CHRM3: variants seen among roughly 807,000 people sequenced by gnomAD.
CHRM3 encodes cholinergic receptor muscarinic 3.
A neutral mutation model predicts 41.8 loss-of-function variants in CHRM3; 11 were observed. The ratio of observed to expected loss-of-function variants is 0.26; its 90% CI spans 0.17 to 0.44. The LOEUF (loss-of-function observed/expected upper bound fraction) is 0.44. Among genes scored for constraint, CHRM3 ranks in the 20% least tolerant of loss-of-function variants. The probability of loss-of-function intolerance (pLI) is 1.00; values close to 1 mark genes in which losing one functional copy is unlikely to be tolerated. For synonymous variants in CHRM3, 297 were observed against 301.4 expected, an observed-to-expected ratio of 0.99 and a Z score of 0.15; for missense variants, 571 against 745.4, an observed-to-expected ratio of 0.77 and a Z score of 2.72.
At chr1:239,817,514 C>T (rs1425691964) in intron 5 of CHRM3, among the ~76,000 whole-genome samples, 2 of 151,970 alleles carry the variant, frequency 1.3e-5, no homozygotes, top group Admixed American at 1.3e-4. Flanking sequence ...CTGGGACCTC[C>T]TGCAATATCT....
At chr1:239,805,692 T>A (rs567345485) in intron 5 of CHRM3, among the ~76,000 whole-genome samples, 1 of 152,100 alleles carries the variant, frequency 6.6e-6, no homozygotes, top group Non-Finnish European at 1.5e-5. Context: ...AGGTATATTC[T>A]CCTTAGTTAC....
intron 3 of CHRM3, among the ~76,000 whole-genome samples, chr1:239,618,816 C>T (rs1242987804): frequency 1.4e-5 from 2 of 141,834 alleles, no homozygotes; most frequent in East Asian, 4.2e-4. Context: ...TGCACTCCAG[C>T]CTGGGAGACA....
chr1:239,475,310 C>T (rs1343233529), intron 1 of CHRM3, among the ~76,000 whole-genome samples: 2 of 152,040 alleles, frequency 1.3e-5, no homozygotes, highest in Non-Finnish European at 2.9e-5. Context: ...TTGACATCAA[C>T]AGTATTATAT....
chr1:239,497,346 G>A (rs1667950062), intron 2 of CHRM3, among the ~76,000 whole-genome samples: 1 of 152,156 alleles, frequency 6.6e-6, no homozygotes, highest in Non-Finnish European at 1.5e-5. Flanking sequence ...TAATGGCAGA[G>A]GGTGACGGGG....
intron 5 of CHRM3, among the ~76,000 whole-genome samples, chr1:239,689,748 G>A (rs1659526543): frequency 6.6e-6 from 1 of 152,166 alleles, no homozygotes; most frequent in African/African-American, 2.4e-5. Flanking sequence ...TGCCTTTGTG[G>A]AGGTTATATT....
At chr1:239,508,234 A>C (rs1224128213) in intron 2 of CHRM3, among the ~76,000 whole-genome samples, 1 of 152,230 alleles carries the variant, frequency 6.6e-6, no homozygotes, top group South Asian at 2.1e-4. Context: ...TACTAACTGA[A>C]TATAGGAGAA....
intron 4 of CHRM3, among the ~76,000 whole-genome samples, chr1:239,648,659 G>T (rs1474484830): frequency 6.6e-6 from 1 of 152,144 alleles, no homozygotes; most frequent in African/African-American, 2.4e-5. Context: ...ACAATGATGT[G>T]GGGAAGGAAT....
intron 1 of CHRM3, among the ~76,000 whole-genome samples, chr1:239,388,554 T>G (rs1015785108): frequency 7.9e-5 from 12 of 152,198 alleles, no homozygotes; most frequent in Non-Finnish European, 1.8e-4. Flanking sequence ...TGCCCATGTA[T>G]TTACTTAAGA....
intron 5 of CHRM3, among the ~76,000 whole-genome samples, chr1:239,757,725 A>G (rs750094152): frequency 2.0e-5 from 3 of 152,232 alleles, no homozygotes; most frequent in Admixed American, 6.5e-5. Context: ...TAGAAGTTCA[A>G]TAAAAGCCAT....
At chr1:239,562,156 A>G (rs1425988422) in intron 3 of CHRM3, among the ~76,000 whole-genome samples, 2 of 152,162 alleles carry the variant, frequency 1.3e-5, no homozygotes, top group Non-Finnish European at 2.9e-5. Flanking sequence ...CAGCAACCAC[A>G]ATCATTTCTG....
At chr1:239,854,984 T>C (rs909314950) in intron 6 of CHRM3, among the ~76,000 whole-genome samples, 2 of 152,168 alleles carry the variant, frequency 1.3e-5, no homozygotes, top group Non-Finnish European at 2.9e-5. Flanking sequence ...AGATGTCACT[T>C]CATTCATAAA....
At chr1:239,456,093 C>T (rs1414242480) in intron 1 of CHRM3, among the ~76,000 whole-genome samples, 1 of 152,154 alleles carries the variant, frequency 6.6e-6, no homozygotes, top group Non-Finnish European at 1.5e-5. Flanking sequence ...GCATCTGATG[C>T]CGTGATCCTG....
chr1:239,606,774 T>C (rs1045979096), intron 3 of CHRM3, among the ~76,000 whole-genome samples: 4 of 152,212 alleles, frequency 2.6e-5, no homozygotes, highest in African/African-American at 7.2e-5. Flanking sequence ...AGCTGTGTTT[T>C]TGATTTGTAA....
At chr1:239,575,474 GCAA>G (rs1343572754) in intron 3 of CHRM3, among the ~76,000 whole-genome samples, 1 of 152,152 alleles carries the variant, frequency 6.6e-6, no homozygotes, top group Non-Finnish European at 1.5e-5. Flanking sequence ...GATTTCTAAT[GCAA>G]CAACCACAGT....
chr1:239,471,472 G>A (rs189517787), intron 1 of CHRM3, among the ~76,000 whole-genome samples: 143 of 152,332 alleles, frequency 9.4e-4, no homozygotes, highest in African/African-American at 3.2e-3. Flanking sequence ...TTGACAGGTA[G>A]ATCCATACAT....
At chr1:239,725,837 T>C (rs747862948) in intron 5 of CHRM3, among the ~76,000 whole-genome samples, 4 of 151,976 alleles carry the variant, frequency 2.6e-5, no homozygotes, top group African/African-American at 4.8e-5. Context: ...AATAATGGCT[T>C]GAATTCAAGT....
At chr1:239,649,992 T>C (rs1672089302) in intron 4 of CHRM3, among the ~76,000 whole-genome samples, 1 of 152,222 alleles carries the variant, frequency 6.6e-6, no homozygotes. Flanking sequence ...AGAAGCCATG[T>C]GCACAGTTAC....
chr1:239,528,012 C>T (rs558651318), intron 2 of CHRM3, among the ~76,000 whole-genome samples: 16 of 152,106 alleles, frequency 1.1e-4, no homozygotes, highest in African/African-American at 2.2e-4. Flanking sequence ...AGAATGGAAA[C>T]GTGTGGGCTT....
At chr1:239,859,413 G>GTTTTTTTTTTTTTTTTTTT (rs1331316835) in intron 6 of CHRM3, among the ~76,000 whole-genome samples, 1 of 113,262 alleles carries the variant, frequency 8.8e-6, no homozygotes. Flanking sequence ...TGTTGTTGTT[G>GTTTTTTTTTTTTTTTTTTT]TTGTTGTTTT....
Sources: gnomAD v4.1 joint callset for allele counts (sites outside exome capture counted in the v4.1 genomes callset) on GRCh38, gnomAD v4.1.1 for gene constraint, MANE v1.5 for transcripts, NCBI Gene and HGNC (gene_info 2026-07-23, HGNC 2026-07-21) for gene names.